TRIM71: variants seen among roughly 807,000 people sequenced by gnomAD.
TRIM71 encodes the protein E3 ubiquitin-protein ligase TRIM71.
Under a neutral mutation model 61.2 loss-of-function variants are expected in TRIM71, and 9 were observed. The observed-to-expected ratio is 0.15, with a 90% CI of 0.09 to 0.26. The LOEUF (loss-of-function observed/expected upper bound fraction) is 0.26. Among genes scored for constraint, TRIM71 ranks in the 10% least tolerant of loss-of-function variants. The probability of loss-of-function intolerance (pLI) is 1.00; values close to 1 mark genes in which losing one functional copy is unlikely to be tolerated. For missense variants in TRIM71, 998 were observed against 1,238.7 expected (o/e 0.81, Z 2.92); for synonymous variants, 645 against 553.2 (o/e 1.17, Z -2.33).
intron 1 of TRIM71, among the ~76,000 whole-genome samples, chr3:32,866,216 G>A (rs1696735350): frequency 6.6e-6 from 1 of 151,698 alleles, no homozygotes; most frequent in Non-Finnish European, 1.5e-5. Flanking sequence ...GATTACAGGC[G>A]TGAACCACTG....
Position 32,862,873 on chromosome 3 carries a change from TCAGGGTTCTAATTTTTTCAAAACCTC to T in TRIM71, c.853-10939_853-10914del, listed in dbSNP as rs1394055504. 7.2e-5 allele frequency among the ~76,000 whole-genome samples: 11 copies of T among 152,302 alleles called. No homozygotes were observed. The East Asian group carries it at 2.1e-3, about 29-fold the overall frequency. On this transcript the variant is annotated intron_variant, in intron 1 of 3. Transcript: ENST00000383763. ...CGCCTGTGGTGCTGTAAATCGGGAC[TCAGGGTTCTAATTTTTTCAAAACCTC>T]CAGGGAGGTTGCCTCTTGCGAGATA...
intron 1 of TRIM71, among the ~76,000 whole-genome samples, chr3:32,847,623 A>G (rs1696490410): frequency 6.6e-6 from 1 of 152,244 alleles, no homozygotes; most frequent in Non-Finnish European, 1.5e-5. Context: ...TGCCTGACTT[A>G]CTGTATCCTT....
intron 2 of TRIM71, among the ~76,000 whole-genome samples, chr3:32,885,642 A>G (rs559390554): frequency 1.3e-5 from 2 of 152,358 alleles, no homozygotes; most frequent in Admixed American, 6.5e-5. Flanking sequence ...TCTGTCACCC[A>G]GCTACACTGG....
intron 1 of TRIM71, among the ~76,000 whole-genome samples, chr3:32,864,024 G>A (rs1696703310): frequency 6.6e-6 from 1 of 152,116 alleles, no homozygotes. Flanking sequence ...TTGTGTGTAT[G>A]TACCACGGTG....
chr3:32,857,474 A>G (rs1467805596), intron 1 of TRIM71, among the ~76,000 whole-genome samples: 2 of 152,172 alleles, frequency 1.3e-5, no homozygotes, highest in Non-Finnish European at 2.9e-5. Flanking sequence ...CCCTTGAACA[A>G]TGTGGGGGGT....
intron 1 of TRIM71, among the ~76,000 whole-genome samples, chr3:32,873,570 A>G (rs578198154): frequency 6.6e-6 from 1 of 152,284 alleles, no homozygotes; most frequent in African/African-American, 2.4e-5. Context: ...AGAGTGGGAT[A>G]TGGCATTCAG....
intron 1 of TRIM71, among the ~76,000 whole-genome samples, chr3:32,865,067 C>T (rs555559855): frequency 1.3e-5 from 2 of 152,092 alleles, no homozygotes; most frequent in East Asian, 1.9e-4. Flanking sequence ...CAGTGGCTCA[C>T]GCCTGTAATT....
chr3:32,877,293 G>A (rs1432135725), intron 2 of TRIM71, among the ~76,000 whole-genome samples: 2 of 152,062 alleles, frequency 1.3e-5, no homozygotes, highest in Non-Finnish European at 2.9e-5. Context: ...TAGTAGAGAC[G>A]GGGTTTCACC....
chr3:32,831,867 T>G (rs1480073725), intron 1 of TRIM71, among the ~76,000 whole-genome samples: 2 of 152,176 alleles, frequency 1.3e-5, no homozygotes, highest in South Asian at 2.1e-4. Context: ...ATATTTTGGT[T>G]GATGGCCAAG....
chr3:32,838,800 C>CA (rs1157326412), intron 1 of TRIM71, among the ~76,000 whole-genome samples: 5 of 147,132 alleles, frequency 3.4e-5, no homozygotes, highest in African/African-American at 1.2e-4. Context: ...TTTTGAGCTC[C>CA]TTTTTTTTTT....
At chr3:32,884,424 G>A (rs753244081) in intron 2 of TRIM71, among the ~76,000 whole-genome samples, 15 of 151,962 alleles carry the variant, frequency 9.9e-5, no homozygotes, top group East Asian at 3.9e-4. Context: ...CAGGCCAGGC[G>A]CAGTGGCTCA....
At chr3:32,850,628 G>A (rs1049612679) in intron 1 of TRIM71, among the ~76,000 whole-genome samples, 1 of 152,164 alleles carries the variant, frequency 6.6e-6, no homozygotes, top group Non-Finnish European at 1.5e-5. Context: ...GAACATAACA[G>A]CAAATAAAAA....
rs183378178 is a variant in TRIM71 at position 32,868,015 on chromosome 3, T to C, written c.853-5803T>C. ...TGAAGCAGCCCCGCTTAATCTTATTTAACAGACGCTGCTGAGACTGCCAGA... is the reference window on the plus strand; with the variant it reads ...TGAAGCAGCCCCGCTTAATCTTATTCAACAGACGCTGCTGAGACTGCCAGA... On this transcript the variant is annotated intron_variant, in intron 1 of 3. Transcript: ENST00000383763. Among the ~76,000 whole-genome samples, 446 of 152,268 alleles carry C rather than the reference T, an allele frequency of 2.9e-3. 2 individuals are homozygous for C. The highest frequency in any genetic ancestry group is 4.5e-3 in the Non-Finnish European group (307 of 68,022).
intron 2 of TRIM71, 28 bp downstream of exon 2, chr3:32,874,013 C>G (rs1461176795): frequency 1.9e-6 from 3 of 1,571,388 alleles, no homozygotes; most frequent in South Asian, 2.3e-5. Context: ...TTCTGCAGTT[C>G]CCACGTGAAT....
intron 1 of TRIM71, among the ~76,000 whole-genome samples, chr3:32,830,350 A>G (rs1342785899): frequency 2.0e-5 from 3 of 152,202 alleles, no homozygotes; most frequent in Non-Finnish European, 4.4e-5. Flanking sequence ...CCATCTTGCA[A>G]AAAACCGCCT....
chr3:32,821,784 G>C (rs1205204763), intron 1 of TRIM71, among the ~76,000 whole-genome samples: 1 of 151,238 alleles, frequency 6.6e-6, no homozygotes, highest in Non-Finnish European at 1.5e-5. Flanking sequence ...CGCGGGTCCC[G>C]GGAGAGGCGG....
chr3:32,894,110 T>A lies in TRIM71; in HGVS notation c.*2299T>A, dbSNP rs555092873. 1.3e-5 allele frequency: 2 copies of A among 152,212 alleles called. No homozygotes were observed. The highest frequency in any genetic ancestry group is 4.8e-5 in the African/African-American group (2 of 41,460). 9.4% of individuals were successfully genotyped at this position (152,212 alleles called of 1,614,324 possible). A position where few individuals can be genotyped will look rare whatever the true frequency, so the allele number is the denominator to read the frequency against. On this transcript the variant is annotated 3_prime_UTR_variant, in exon 4 of 4. Coordinates refer to ENST00000383763, the MANE Select transcript of TRIM71 (RefSeq NM_001039111.3). ...AAGAGTTAATATAATTAAACATTTT[T>A]ACTGTTTTCTATTTTGGAGTAACTT...
chr3:32,855,414 C>T (rs1696588905), intron 1 of TRIM71, among the ~76,000 whole-genome samples: 1 of 151,994 alleles, frequency 6.6e-6, no homozygotes, highest in Non-Finnish European at 1.5e-5. Flanking sequence ...GCAGGGAGTC[C>T]AGGATGGCCC....
In TRIM71 at chr3:32,891,658, A is replaced by G. The variant is rs1279953143; in HGVS notation, c.2454A>G (p.Val818=). The G allele has an allele frequency of 1.9e-6, 3 of 1,613,802 alleles. No individual in the cohort carries two copies. In the African/African-American group the frequency reaches 4.0e-5, roughly 22 times the overall value. The change falls in exon 4 of 4, where the codon GTA becomes GTG. Residue 818 remains valine, a synonymous_variant. Transcript: ENST00000383763. The surrounding 1 kb of genome is among the most constrained non-coding windows in gnomAD (Gnocchi z 8.2). ...TGGCGGATTCCAGGAACCATCGGGT[A>G]CAGATGTTTGAATCCAACGGCAGCT... ...IIVADSRNHR[V]QMFESNGSFL...
Sources: allele counts gnomAD v4.1 joint callset (sites outside exome capture counted in the v4.1 genomes callset), GRCh38; gene constraint gnomAD v4.1.1; non-coding constraint Gnocchi (gnomAD v3.1); transcripts MANE v1.5; gene names NCBI Gene and HGNC (gene_info 2026-07-23, HGNC 2026-07-21).